TMEM9: variants seen among roughly 807,000 people sequenced by gnomAD.
TMEM9 encodes the protein transmembrane protein 9, also known as proton-transporting V-type ATPase complex assembly regulator TMEM9.
In TMEM9, 13 loss-of-function variants were observed where a neutral mutation model predicts 22.8. The observed-to-expected ratio is 0.57, with a 90% CI of 0.37 to 0.91. The LOEUF is 0.91. Ranked by LOEUF, TMEM9 falls within the 40% of genes least tolerant of loss-of-function variation. The pLI is 0.01. For synonymous variants in TMEM9, 88 were observed against 93.0 expected (o/e 0.95, Z 0.31); for missense variants, 182 against 238.1 (o/e 0.76, Z 1.55).
At chr1:201,162,810 A>C (rs1665977047) in intron 1 of TMEM9, among the ~76,000 whole-genome samples, 1 of 152,192 alleles carries the variant, frequency 6.6e-6, no homozygotes, top group Non-Finnish European at 1.5e-5. Flanking sequence ...ATATTTGCAC[A>C]TGACATATCT....
chr1:201,154,077 C>A lies in TMEM9; in HGVS notation c.-154G>T. ...GGTTGGGGGCTGGGCTCCAGGATTC[C>A]AAGGCCTGCTAAACCTGGTCGCCAA... On this transcript the variant is annotated 5_prime_UTR_variant, in exon 1 of 5. Transcript: ENST00000367330. The A allele has an allele frequency of 1.1e-6, 1 of 885,772 alleles. No individual in the cohort carries two copies. Among genetic ancestry groups the A allele is most frequent in the South Asian group, 1.8e-5 (1 of 55,950 alleles). The allele number at this position is 885,772 out of a possible 1,614,324, so 54.9% of individuals were successfully genotyped here. A position where few individuals can be genotyped will look rare whatever the true frequency, so the allele number is the denominator to read the frequency against.
intron 4 of TMEM9, among the ~76,000 whole-genome samples, chr1:201,136,503 A>G (rs978870213): frequency 1.3e-5 from 2 of 152,176 alleles, no homozygotes; most frequent in Non-Finnish European, 1.5e-5. Context: ...GGAGTCTGAC[A>G]GGGATGGAAA....
At chr1:201,171,338 C>T (rs1666205417) in intron 1 of TMEM9, among the ~76,000 whole-genome samples, 1 of 152,242 alleles carries the variant, frequency 6.6e-6, no homozygotes, top group Non-Finnish European at 1.5e-5. Flanking sequence ...GTCCCAGGCG[C>T]CGCGGCGATT....
At chr1:201,151,087 CAT>C (rs761150285) in intron 2 of TMEM9, among the ~76,000 whole-genome samples, 1 of 152,224 alleles carries the variant, frequency 6.6e-6, no homozygotes, top group Admixed American at 6.5e-5. Context: ...CCTGCTCCCA[CAT>C]GTCCCACCTC....
At chr1:201,141,844 G>A (rs941671300) in intron 4 of TMEM9, among the ~76,000 whole-genome samples, 3 of 152,140 alleles carry the variant, frequency 2.0e-5, no homozygotes, top group Non-Finnish European at 2.9e-5. Context: ...ACGGCAAGCT[G>A]CTCTCCCCAA....
chr1:201,143,088 C>T (rs1664670213), intron 4 of TMEM9, among the ~76,000 whole-genome samples: 1 of 152,210 alleles, frequency 6.6e-6, no homozygotes, highest in South Asian at 2.1e-4. Flanking sequence ...TGGGCCTGGT[C>T]CAAGCCCTGC....
At chr1:201,157,035 C>T (rs559970842), upstream of TMEM9, among the ~76,000 whole-genome samples, 1 of 152,168 alleles carries the variant, frequency 6.6e-6, no homozygotes, top group African/African-American at 2.4e-5. Flanking sequence ...GGTAGACACA[C>T]AAAGAGTGAG....
chr1:201,135,856 G>GCCAGAAGGGTCTTGGAT (rs1251058904), intron 4 of TMEM9, 41 bp from the exon 5 acceptor site: 13 of 1,537,014 alleles, frequency 8.5e-6, no homozygotes, highest in Middle Eastern at 1.7e-4. Context: ...GGCACGGTAA[G>GCCAGAAGGGTCTTGGAT]CCAGAAGGGT....
intron 1 of TMEM9, 91 bp from the exon 2 acceptor site, chr1:201,151,943 C>T (rs1227790758): frequency 4.2e-6 from 4 of 958,520 alleles, no homozygotes; most frequent in African/African-American, 1.6e-5. Context: ...TTTCTGTTCC[C>T]CATCCTGTTA....
At chr1:201,144,599 A>G (rs1249750622) in intron 3 of TMEM9, 2 of 149,416 alleles carry the variant, frequency 1.3e-5, no homozygotes, top group Non-Finnish European at 3.0e-5. Context: ...GTGCTTCACA[A>G]GCTGGAGTCA....
intron 4 of TMEM9, among the ~76,000 whole-genome samples, chr1:201,138,855 C>G (rs1023596104): frequency 1.3e-5 from 2 of 152,324 alleles, no homozygotes; most frequent in Admixed American, 1.3e-4. Context: ...ACGTATATCT[C>G]TTATCCTAGG....
chr1:201,167,527 G>A (rs1666108317), intron 1 of TMEM9, among the ~76,000 whole-genome samples: 1 of 152,220 alleles, frequency 6.6e-6, no homozygotes, highest in African/African-American at 2.4e-5. Context: ...ATCTGCAGGA[G>A]TCACTGGGGA....
intron 4 of TMEM9, among the ~76,000 whole-genome samples, chr1:201,143,598 G>A (rs760426782): frequency 1.6e-4 from 25 of 152,220 alleles, no homozygotes; most frequent in Non-Finnish European, 2.4e-4. Flanking sequence ...TGGCTCCCCC[G>A]GCTTGTACAT....
At position 201,146,765 on chromosome 1, in the gene TMEM9, T is replaced by C; in HGVS notation, c.242A>G (p.Glu81Gly). ...CTTGATGGTGGTGGTGCTGCGCTCC[T>C]CGTACCTGCACTCGCACAGCAGGCA... ...AYCLLCECRY[E>G]ERSTTTIKVI... Residue 81 changes from glutamate (E) to glycine (G), a missense_variant, in exon 3 of 5, where the codon GAG becomes GGG. By Grantham distance (98) the Glu-to-Gly change is moderately conservative (BLOSUM62 -2). Transcript: ENST00000367330. 6.2e-7 allele frequency: 1 copy of C among 1,614,250 alleles called. No individual in the cohort carries two copies. Among genetic ancestry groups the C allele is most frequent in the Non-Finnish European group, 8.5e-7 (1 of 1,180,046 alleles).
chr1:201,136,046 G>A (rs1663957722), intron 4 of TMEM9, among the ~76,000 whole-genome samples: 1 of 152,150 alleles, frequency 6.6e-6, no homozygotes, highest in Non-Finnish European at 1.5e-5. Flanking sequence ...TGCAGGATGG[G>A]GCCCCTGCCC....
At chr1:201,138,457 AGCAAGTATGGTGG>A (rs1191635096) in intron 4 of TMEM9, among the ~76,000 whole-genome samples, 3 of 152,180 alleles carry the variant, frequency 2.0e-5, no homozygotes. Flanking sequence ...CTTGCTCTGC[AGCAAGTATGGTGG>A]GTGGAAGTGG....
intron 3 of TMEM9, chr1:201,144,351 G>A (rs1664783617): frequency 5.1e-6 from 1 of 197,096 alleles, no homozygotes; most frequent in South Asian, 1.0e-4. Flanking sequence ...CTGTGGAGAG[G>A]CTGGAAAGCT....
At chr1:201,138,126 G>A (rs966968911) in intron 4 of TMEM9, among the ~76,000 whole-genome samples, 1 of 152,128 alleles carries the variant, frequency 6.6e-6, no homozygotes, top group African/African-American at 2.4e-5. Flanking sequence ...TCCAGTGTGT[G>A]TGTGGGGTGG....
At chr1:201,146,382 G>C (rs557325850) in intron 3 of TMEM9, among the ~76,000 whole-genome samples, 1 of 152,304 alleles carries the variant, frequency 6.6e-6, no homozygotes, top group East Asian at 1.9e-4. Flanking sequence ...CCTCCCCATT[G>C]GCAGCATCTT....
Sources: gnomAD v4.1 joint callset for allele counts (sites outside exome capture counted in the v4.1 genomes callset) on GRCh38, gnomAD v4.1.1 for gene constraint, MANE v1.5 for transcripts, NCBI Gene and HGNC (gene_info 2026-07-23, HGNC 2026-07-21) for gene names.